Variants in FAM227B observed in about 807,000 individuals in gnomAD.
The protein encoded by FAM227B is family with sequence similarity 227 member B.
A neutral mutation model predicts 73.8 loss-of-function variants in FAM227B; 88 were observed. That is an observed-to-expected ratio of 1.19 (90% CI 1.00 to 1.42). The LOEUF is 1.42. FAM227B is among the 40% of genes most tolerant of loss of function. The pLI is 0.00. For synonymous variants in FAM227B, 210 were observed against 190.5 expected (o/e 1.10, Z -0.84); for missense variants, 632 against 590.9 (o/e 1.07, Z -0.72).
At chr15:49,421,553 T>C (rs1257170856) in intron 11 of FAM227B, among the ~76,000 whole-genome samples, 1 of 152,214 alleles carries the variant, frequency 6.6e-6, no homozygotes, top group Non-Finnish European at 1.5e-5. Context: ...TAACAAACTA[T>C]CCATTTCTTT....
At chr15:49,371,059 G>T (rs867905391) in intron 12 of FAM227B, among the ~76,000 whole-genome samples, 1 of 152,262 alleles carries the variant, frequency 6.6e-6, no homozygotes, top group South Asian at 2.1e-4. Context: ...AAGACATGTT[G>T]TGAGGAAAAA....
chr15:49,344,514 T>C (rs1209558049), intron 13 of FAM227B, among the ~76,000 whole-genome samples: 1 of 152,184 alleles, frequency 6.6e-6, no homozygotes, highest in African/African-American at 2.4e-5. Context: ...CAATTGTGTG[T>C]TCCAATATGA....
At chr15:49,368,486 C>T (rs1021780535) in intron 12 of FAM227B, among the ~76,000 whole-genome samples, 14 of 152,062 alleles carry the variant, frequency 9.2e-5, no homozygotes, top group Admixed American at 8.5e-4. Flanking sequence ...TTCAGAATTC[C>T]TAGCAGCTAC....
intron 11 of FAM227B, among the ~76,000 whole-genome samples, chr15:49,503,166 A>C (rs1335194623): frequency 3.3e-5 from 5 of 152,180 alleles, no homozygotes; most frequent in East Asian, 1.9e-4. Context: ...CAAAAACAAG[A>C]AATGGGGGAA....
At chr15:49,358,834 A>G (rs1363294689) in intron 13 of FAM227B, among the ~76,000 whole-genome samples, 1 of 152,002 alleles carries the variant, frequency 6.6e-6, no homozygotes, top group Non-Finnish European at 1.5e-5. Context: ...CTGACTTCAA[A>G]CTATACTACA....
At chr15:49,591,809 A>C (rs111300923) in intron 3 of FAM227B, among the ~76,000 whole-genome samples, 2 of 152,164 alleles carry the variant, frequency 1.3e-5, no homozygotes, top group African/African-American at 4.8e-5. Flanking sequence ...ATAATATTCT[A>C]TTTTGTGTAT....
At chr15:49,356,253 T>C (rs1174782462) in intron 13 of FAM227B, among the ~76,000 whole-genome samples, 1 of 151,514 alleles carries the variant, frequency 6.6e-6, no homozygotes, top group East Asian at 1.9e-4. Flanking sequence ...TAAATGTAAA[T>C]GGACTAAATG....
intron 3 of FAM227B, among the ~76,000 whole-genome samples, chr15:49,591,382 T>TTCCC (rs148252839): frequency 2.3e-4 from 19 of 82,216 alleles, no homozygotes; most frequent in Non-Finnish European, 4.2e-4. Context: ...CCTCCCTCCC[T>TTCCC]TCCCTCCCTC....
chr15:49,585,083 T>C (rs944571605), intron 5 of FAM227B, among the ~76,000 whole-genome samples: 2 of 151,904 alleles, frequency 1.3e-5, no homozygotes, highest in Admixed American at 6.5e-5. Flanking sequence ...AAAAAACACA[T>C]GAAAAAATGC....
At position 49,511,414 on chromosome 15, in the gene FAM227B, T is replaced by C. The variant is rs577811689; in HGVS notation, c.875-3066A>G. ...TTTCTCTAATTTCCATTATGATATC[T>C]TCTTTGAAGATTGAGTTAGTAGGCA... On this transcript the variant is annotated intron_variant, in intron 10 of 15. Coordinates refer to ENST00000299338, the MANE Select transcript of FAM227B (RefSeq NM_152647.3). 2.6e-5 allele frequency among the ~76,000 whole-genome samples: 4 copies of C among 152,282 alleles called. No individual in the cohort carries two copies. In the South Asian group the frequency reaches 8.3e-4, roughly 32 times the overall value.
chr15:49,605,212 T>A (rs1436090871), intron 3 of FAM227B, among the ~76,000 whole-genome samples: 2 of 152,034 alleles, frequency 1.3e-5, no homozygotes, highest in Non-Finnish European at 2.9e-5. Flanking sequence ...GGCCAGCTGG[T>A]GGGGTCCATG....
chr15:49,526,248 A>T (rs2152204241), intron 10 of FAM227B, among the ~76,000 whole-genome samples: 1 of 152,182 alleles, frequency 6.6e-6, no homozygotes, highest in East Asian at 1.9e-4. Flanking sequence ...CCTAAAATGA[A>T]CTCTCAAAGT....
At chr15:49,474,816 G>A (rs1183036063) in intron 11 of FAM227B, among the ~76,000 whole-genome samples, 3 of 152,046 alleles carry the variant, frequency 2.0e-5, no homozygotes, top group East Asian at 1.9e-4. Flanking sequence ...TCTAGGTTGC[G>A]TGCTCCGTAC....
intron 5 of FAM227B, among the ~76,000 whole-genome samples, chr15:49,578,738 C>T (rs996980457): frequency 6.6e-6 from 1 of 151,954 alleles, no homozygotes; most frequent in African/African-American, 2.4e-5. Context: ...AAAATGAGAT[C>T]AAATATGATT....
At chr15:49,499,429 CTA>C (rs1364893867) in intron 11 of FAM227B, among the ~76,000 whole-genome samples, 8 of 152,084 alleles carry the variant, frequency 5.3e-5, no homozygotes. Context: ...TAGGCATATT[CTA>C]TGTTTGTGAA....
chr15:49,328,455 A>C lies in FAM227B; in HGVS notation c.*113T>G, dbSNP rs961739264. On this transcript the variant is annotated 3_prime_UTR_variant, in exon 16 of 16. Transcript: ENST00000299338. ...ATTTTAAAGATGAATGGTAAAACAC[A>C]CTCTTAATACTGATTACATGGATTG... is the stretch of plus-strand genomic sequence containing the variant. 97 of 1,466,954 alleles carry C rather than the reference A, an allele frequency of 6.6e-5. 1 individual carries two copies. The highest frequency in any genetic ancestry group is 4.9e-4 in the Admixed American group (19 of 38,892). The allele number at this position is 1,466,954 out of a possible 1,614,324, so 90.9% of individuals were successfully genotyped here. A position where few individuals can be genotyped will look rare whatever the true frequency, so the allele number is the denominator to read the frequency against.
At chr15:49,425,341 T>C (rs1013005446) in intron 11 of FAM227B, 5 of 152,042 alleles carry the variant, frequency 3.3e-5, no homozygotes, top group Non-Finnish European at 7.4e-5. Context: ...AAGAATCAGT[T>C]ATTCTTCTTA....
At chr15:49,393,525 C>T (rs1405687388) in intron 11 of FAM227B, among the ~76,000 whole-genome samples, 1 of 152,124 alleles carries the variant, frequency 6.6e-6, no homozygotes, top group Non-Finnish European at 1.5e-5. Context: ...TCCCAATCTT[C>T]ACCACTAACA....
chr15:49,554,430 G>A (rs1039362078), intron 9 of FAM227B, among the ~76,000 whole-genome samples: 2 of 152,186 alleles, frequency 1.3e-5, no homozygotes, highest in Admixed American at 6.5e-5. Flanking sequence ...GACACAGAAT[G>A]TGTAGCCCTC....
Sources: allele counts gnomAD v4.1 joint callset (sites outside exome capture counted in the v4.1 genomes callset), GRCh38; gene constraint gnomAD v4.1.1; transcripts MANE v1.5; gene names NCBI Gene and HGNC (gene_info 2026-07-23, HGNC 2026-07-21).